SLC67A1: variants seen among roughly 807,000 people sequenced by gnomAD.
SLC67A1 encodes the protein solute carrier family 67 member 1.
At chr11:2,919,550 A>G in the SLC67A1 span, 1 of 642,662 alleles carries the variant, frequency 1.6e-6, no homozygotes, top group East Asian at 2.7e-5. Flanking sequence ...ACAGGGAACC[A>G]GGCATACAGG....
At chr11:2,905,752 G>C in the SLC67A1 span, among the ~76,000 whole-genome samples, 38 of 152,328 alleles carry the variant, frequency 2.5e-4, no homozygotes, top group Non-Finnish European at 4.6e-4. Context: ...TCAGAGCTCC[G>C]CCCTCAAATA....
At chr11:2,908,428 C>CCA in the SLC67A1 span, 2 of 884,014 alleles carry the variant, frequency 2.3e-6, no homozygotes, top group Non-Finnish European at 3.4e-6. Context: ...GACCCCACAC[C>CCA]GGACCCCCCT....
the SLC67A1 span, chr11:2,919,623 G>A: frequency 1.8e-6 from 1 of 555,338 alleles, no homozygotes; most frequent in Non-Finnish European, 3.2e-6. Flanking sequence ...TCCGGCCTCT[G>A]ATGGGCAGCT....
chr11:2,916,632 C>T, the SLC67A1 span: 4 of 1,611,970 alleles, frequency 2.5e-6, no homozygotes, highest in African/African-American at 5.3e-5. Context: ...GATTCAGTGC[C>T]CGGCCATCCT....
chr11:2,903,393 G>A, the SLC67A1 span: 1 of 1,613,098 alleles, frequency 6.2e-7, no homozygotes, highest in South Asian at 1.1e-5. Context: ...CCCCCGGCAG[G>A]ATGAGCGCTC....
chr11:2,915,567 C>A, the SLC67A1 span, among the ~76,000 whole-genome samples: 1 of 152,128 alleles, frequency 6.6e-6, no homozygotes, highest in Non-Finnish European at 1.5e-5. Context: ...CAGGGTCCAA[C>A]CCTGGACCAC....
the SLC67A1 span, chr11:2,916,895 A>G: frequency 1.5e-6 from 1 of 650,788 alleles, no homozygotes; most frequent in Admixed American, 2.7e-5. Flanking sequence ...CCAGCTGCTG[A>G]CATCATAGAA....
chr11:2,921,920 T>C, the SLC67A1 span: 8 of 632,976 alleles, frequency 1.3e-5, no homozygotes, highest in African/African-American at 1.3e-4. Flanking sequence ...CCTGACGCAG[T>C]CACTGCTGGC....
At chr11:2,916,311 T>C in the SLC67A1 span, 4 of 353,424 alleles carry the variant, frequency 1.1e-5, no homozygotes, top group African/African-American at 2.1e-5. Flanking sequence ...CTGCTGTTCC[T>C]GGGAGGATCC....
the SLC67A1 span, among the ~76,000 whole-genome samples, chr11:2,900,444 G>A: frequency 3.7e-4 from 56 of 151,812 alleles, 1 homozygote; most frequent in African/African-American, 1.3e-3. Context: ...TGTAATCCCA[G>A]CACTTTGGGA....
At chr11:2,905,897 G>C in the SLC67A1 span, among the ~76,000 whole-genome samples, 1 of 152,072 alleles carries the variant, frequency 6.6e-6, no homozygotes, top group East Asian at 1.9e-4. Context: ...GCTTGGTCCA[G>C]TGGGTGCCCC....
At chr11:2,901,070 G>A in the SLC67A1 span, among the ~76,000 whole-genome samples, 11 of 152,200 alleles carry the variant, frequency 7.2e-5, no homozygotes, top group Non-Finnish European at 1.3e-4. Context: ...GACCTGCCCT[G>A]GGGAAAATGG....
At chr11:2,906,459 G>A in the SLC67A1 span, among the ~76,000 whole-genome samples, 1 of 152,108 alleles carries the variant, frequency 6.6e-6, no homozygotes, top group Non-Finnish European at 1.5e-5. Flanking sequence ...GCAAAGACTT[G>A]GAACCAACCC....
At chr11:2,910,121 C>T in the SLC67A1 span, among the ~76,000 whole-genome samples, 1 of 152,160 alleles carries the variant, frequency 6.6e-6, no homozygotes, top group East Asian at 1.9e-4. Flanking sequence ...CTCCGGAGGT[C>T]TCTAGGGCTG....
the SLC67A1 span, among the ~76,000 whole-genome samples, chr11:2,910,565 C>G: frequency 1.3e-5 from 2 of 151,908 alleles, no homozygotes; most frequent in Non-Finnish European, 1.5e-5. Context: ...GGCACCAGGC[C>G]GGGGTGCCCT....
chr11:2,914,521 C>T, the SLC67A1 span, among the ~76,000 whole-genome samples: 1 of 152,132 alleles, frequency 6.6e-6, no homozygotes, highest in Non-Finnish European at 1.5e-5. Context: ...CCTGCGTCTC[C>T]CCCAGCAGCC....
the SLC67A1 span, chr11:2,909,235 C>G: frequency 1.3e-6 from 2 of 1,539,658 alleles, no homozygotes; most frequent in Non-Finnish European, 1.7e-6. Context: ...CGCTCACGCT[C>G]TCCTTCCTGG....
chr11:2,914,104 C>A, the SLC67A1 span, among the ~76,000 whole-genome samples: 1 of 152,222 alleles, frequency 6.6e-6, no homozygotes, highest in African/African-American at 2.4e-5. Flanking sequence ...AGAGAAGGGA[C>A]AGAGGCTGTG....
chr11:2,903,687 T>TGA, the SLC67A1 span: 2 of 624,156 alleles, frequency 3.2e-6, no homozygotes, highest in Non-Finnish European at 5.6e-6. Context: ...CATCCTGTGC[T>TGA]CCAGCTTCAG....
Sources: gnomAD v4.1 joint callset for allele counts (sites outside exome capture counted in the v4.1 genomes callset) on GRCh38, gnomAD v4.1.1 for gene constraint, MANE v1.5 for transcripts, NCBI Gene and HGNC (gene_info 2026-07-23, HGNC 2026-07-21) for gene names.